DAB1: variants seen among roughly 807,000 people sequenced by gnomAD.
DAB1 encodes DAB adaptor protein 1, also known as disabled homolog 1.
Under a neutral mutation model 64.6 loss-of-function variants are expected in DAB1, and 15 were observed. The observed-to-expected ratio is 0.23, with a 90% confidence interval of 0.16 to 0.36. The LOEUF (loss-of-function observed/expected upper bound fraction) is 0.36. Among genes scored for constraint, DAB1 ranks in the 10% least tolerant of loss-of-function variants. DAB1 has a pLI of 1.00. For missense variants in DAB1, 596 were observed against 706.7 expected (o/e 0.84, Z 1.78); for synonymous variants, 235 against 251.9 (o/e 0.93, Z 0.64).
At chr1:57,856,167 G>A (rs1653744807) in intron 1 of DAB1, among the ~76,000 whole-genome samples, 1 of 151,100 alleles carries the variant, frequency 6.6e-6, no homozygotes. Flanking sequence ...AAAGAGAAGT[G>A]TAGCTAGAAA....
At chr1:57,393,495 C>G in intron 1 of DAB1, among the ~76,000 whole-genome samples, 1 of 151,702 alleles carries the variant, frequency 6.6e-6, no homozygotes, top group South Asian at 2.1e-4. Context: ...AGTTCGAGAC[C>G]AGCCTGGGCA....
intron 3 of DAB1, among the ~76,000 whole-genome samples, chr1:58,460,245 C>T (rs1645230328): frequency 6.6e-6 from 1 of 152,026 alleles, no homozygotes; most frequent in Non-Finnish European, 1.5e-5. Context: ...TATTAAGATG[C>T]CTGATCCTAT....
At chr1:57,177,712 T>C (rs1052057312) in intron 2 of DAB1, among the ~76,000 whole-genome samples, 1 of 152,204 alleles carries the variant, frequency 6.6e-6, no homozygotes, top group African/African-American at 2.4e-5. Context: ...CTTATTTTTA[T>C]TTTGTTTTGG....
At chr1:58,430,386 T>G (rs976382413) in intron 3 of DAB1, among the ~76,000 whole-genome samples, 1 of 152,116 alleles carries the variant, frequency 6.6e-6, no homozygotes, top group Non-Finnish European at 1.5e-5. Context: ...GGAGGATGGG[T>G]TGCATTCAGA....
chr1:57,870,057 A>G (rs1643911956), intron 1 of DAB1, among the ~76,000 whole-genome samples: 1 of 152,114 alleles, frequency 6.6e-6, no homozygotes, highest in Non-Finnish European at 1.5e-5. Context: ...TTTTGGAAAA[A>G]TACTTACCCT....
chr1:57,461,923 C>T (rs574247577), intron 7 of DAB1, among the ~76,000 whole-genome samples: 1 of 137,866 alleles, frequency 7.3e-6, no homozygotes, highest in South Asian at 2.5e-4. Flanking sequence ...AAATGGAATA[C>T]ATAAAGGATA....
chr1:57,530,764 T>C (rs1402489625), intron 7 of DAB1, among the ~76,000 whole-genome samples: 1 of 152,210 alleles, frequency 6.6e-6, no homozygotes, highest in African/African-American at 2.4e-5. Flanking sequence ...GCCTGGCAGC[T>C]TGTCCTTGAA....
chr1:57,312,983 G>A (rs1230361548), intron 1 of DAB1, among the ~76,000 whole-genome samples: 6 of 152,114 alleles, frequency 3.9e-5, no homozygotes, highest in Non-Finnish European at 5.9e-5. Flanking sequence ...GAAGCCCTGG[G>A]TGGGCCTGAA....
intron 4 of DAB1, among the ~76,000 whole-genome samples, chr1:58,238,080 T>C (rs563969456): frequency 6.6e-6 from 1 of 152,344 alleles, no homozygotes; most frequent in South Asian, 2.1e-4. Context: ...TTCATTATTG[T>C]ATTCATTTGC....
At chr1:57,341,702 G>A (rs1177723929) in intron 1 of DAB1, among the ~76,000 whole-genome samples, 6 of 152,086 alleles carry the variant, frequency 3.9e-5, no homozygotes, top group Non-Finnish European at 5.9e-5. Context: ...AACTGATCTC[G>A]TCTGCTGTAT....
chr1:57,995,815 G>C (rs561152186), intron 5 of DAB1, among the ~76,000 whole-genome samples: 1 of 151,496 alleles, frequency 6.6e-6, no homozygotes, highest in East Asian at 1.9e-4. Context: ...GAGAGTCTCA[G>C]GTTTCTCAGA....
At chr1:57,736,741 A>T (rs1647709419) in intron 6 of DAB1, among the ~76,000 whole-genome samples, 4 of 151,894 alleles carry the variant, frequency 2.6e-5, no homozygotes, top group Admixed American at 2.0e-4. Context: ...CTGCCTCTCC[A>T]TCCTTCCCTC....
intron 3 of DAB1, among the ~76,000 whole-genome samples, chr1:58,484,156 G>A (rs1452908375): frequency 1.3e-5 from 2 of 152,182 alleles, no homozygotes; most frequent in African/African-American, 2.4e-5. Context: ...ACATTGGTCA[G>A]AATAGTCATG....
At chr1:58,267,093 G>A (rs1408142647) in intron 4 of DAB1, among the ~76,000 whole-genome samples, 1 of 152,116 alleles carries the variant, frequency 6.6e-6, no homozygotes, top group African/African-American at 2.4e-5. Flanking sequence ...CATGGCATAC[G>A]CCTGTGGTCC....
At chr1:57,922,859 A>AAAAAAAAAAAAAAAC in intron 5 of DAB1, among the ~76,000 whole-genome samples, 1 of 150,490 alleles carries the variant, frequency 6.6e-6, no homozygotes, top group African/African-American at 2.4e-5. Context: ...AAAAAAAAAA[A>AAAAAAAAAAAAAAAC]AAAAAAAAAG....
At chr1:57,008,360 T>C (rs997018498) in intron 14 of DAB1, among the ~76,000 whole-genome samples, 10 of 152,138 alleles carry the variant, frequency 6.6e-5, no homozygotes, top group African/African-American at 2.4e-4. Context: ...ACATGAAAGC[T>C]AAATGTATAA....
At chr1:58,334,646 C>A (rs1039076309) in intron 4 of DAB1, among the ~76,000 whole-genome samples, 1 of 137,808 alleles carries the variant, frequency 7.3e-6, no homozygotes, top group Non-Finnish European at 1.6e-5. Flanking sequence ...CATATCATAT[C>A]ATATCATATT....
chr1:58,417,878 A>G (rs1644735684), intron 3 of DAB1, among the ~76,000 whole-genome samples: 5 of 152,194 alleles, frequency 3.3e-5, no homozygotes, highest in Admixed American at 3.3e-4. Context: ...TATTTCCTCA[A>G]CTATAAAATG....
At chr1:57,111,048 G>A (rs1655614942) in intron 4 of DAB1, among the ~76,000 whole-genome samples, 1 of 152,054 alleles carries the variant, frequency 6.6e-6, no homozygotes, top group South Asian at 2.1e-4. Context: ...GCAGATAAAG[G>A]GAGTGAGGGA....
Sources: allele counts gnomAD v4.1 joint callset (sites outside exome capture counted in the v4.1 genomes callset), GRCh38; gene constraint gnomAD v4.1.1; transcripts MANE v1.5; gene names NCBI Gene and HGNC (gene_info 2026-07-23, HGNC 2026-07-21).